The following ALG14 variants were observed in gnomAD, a reference collection of about 807,000 sequenced individuals.
The protein encoded by ALG14 is ALG14 UDP-N-acetylglucosaminyltransferase subunit.
ALG14 carries 17 observed loss-of-function variants against 22.8 expected under a neutral mutation model. The observed-to-expected ratio is 0.75, with a 90% CI of 0.51 to 1.12. ALG14 has a LOEUF of 1.12. ALG14 is among the 50% of genes most tolerant of loss of function. The pLI is 0.00. For missense variants in ALG14, 288 were observed against 271.8 expected, an observed-to-expected ratio of 1.06 and a Z score of -0.42; for synonymous variants, 89 against 103.7, an observed-to-expected ratio of 0.86 and a Z score of 0.86.
chr1:95,015,371 G>A (rs554362471), intron 3 of ALG14, among the ~76,000 whole-genome samples: 21 of 152,228 alleles, frequency 1.4e-4, no homozygotes, highest in Admixed American at 2.0e-4. Flanking sequence ...CAGAAAGCTT[G>A]GTTTTTGACT....
rs1159562517 is a variant in ALG14 at position 94,982,124 on chromosome 1, T to G, written c.*952A>C. The G allele has an allele frequency of 1.3e-5, 2 of 150,450 alleles. No homozygotes were observed. Among genetic ancestry groups the G allele is most frequent in the Non-Finnish European group, 3.0e-5 (2 of 67,550 alleles). The allele number at this position is 150,450 out of a possible 1,614,324, so 9.3% of individuals were successfully genotyped here. On this transcript the variant is annotated 3_prime_UTR_variant, in exon 4 of 4. Transcript: ENST00000370205. ...GTCCCTACATCATTGAGTTTTGTTT[T>G]TTTTTTTTTTTTTTGAGACGAAGTT... is the stretch of plus-strand genomic sequence containing the variant.
intron 2 of ALG14, chr1:95,062,315 G>A (rs1675191781): frequency 6.6e-6 from 1 of 152,134 alleles, no homozygotes; most frequent in Non-Finnish European, 1.5e-5. Context: ...TTAAGTTCCA[G>A]GGTATGTGTG....
intron 2 of ALG14, among the ~76,000 whole-genome samples, chr1:95,034,939 T>C (rs535841633): frequency 2.2e-4 from 33 of 152,178 alleles, no homozygotes; most frequent in Non-Finnish European, 4.6e-4. Context: ...TTTTGCACTG[T>C]AGGCTTGGGT....
chr1:95,039,720 G>C (rs1674321391), intron 2 of ALG14, among the ~76,000 whole-genome samples: 1 of 152,108 alleles, frequency 6.6e-6, no homozygotes, highest in Non-Finnish European at 1.5e-5. Flanking sequence ...TGAAGCAATG[G>C]GTAGACCTAG....
chr1:95,045,613 T>C (rs1260626583), intron 2 of ALG14, among the ~76,000 whole-genome samples: 9 of 151,814 alleles, frequency 5.9e-5, no homozygotes, highest in Admixed American at 3.3e-4. Context: ...AGTATTAGCA[T>C]ACTGTATTAG....
chr1:95,062,632 T>C (rs1174697607), intron 2 of ALG14, among the ~76,000 whole-genome samples: 1 of 152,230 alleles, frequency 6.6e-6, no homozygotes, highest in Non-Finnish European at 1.5e-5. Flanking sequence ...CATGATCTTG[T>C]TCCTTTTTAT....
chr1:95,059,860 C>T (rs528169083), intron 2 of ALG14, among the ~76,000 whole-genome samples: 1 of 151,878 alleles, frequency 6.6e-6, no homozygotes, highest in Non-Finnish European at 1.5e-5. Context: ...GGCTACTATA[C>T]TGGACAGTGC....
chr1:95,045,288 G>A (rs1477114342), intron 2 of ALG14, among the ~76,000 whole-genome samples: 1 of 151,928 alleles, frequency 6.6e-6, no homozygotes, highest in Non-Finnish European at 1.5e-5. Flanking sequence ...TTCGACTTAG[G>A]TGGAGGGCCA....
chr1:95,020,056 A>G (rs1436234481), intron 3 of ALG14, among the ~76,000 whole-genome samples: 3 of 151,870 alleles, frequency 2.0e-5, no homozygotes, highest in Non-Finnish European at 4.4e-5. Flanking sequence ...CATCTCTACT[A>G]AAAATACAAA....
chr1:94,997,262 C>G (rs1417095738), intron 3 of ALG14, among the ~76,000 whole-genome samples: 1 of 152,106 alleles, frequency 6.6e-6, no homozygotes, highest in Non-Finnish European at 1.5e-5. Context: ...ATTGGTGGGG[C>G]TCAGTCTGTC....
At chr1:95,000,123 A>C (rs1343660779) in intron 3 of ALG14, among the ~76,000 whole-genome samples, 8 of 152,228 alleles carry the variant, frequency 5.3e-5, no homozygotes, top group African/African-American at 1.7e-4. Context: ...CTCACTGCCT[A>C]TACTGTTATT....
chr1:95,065,117 G>A, intron 1 of ALG14, 100 bp from the exon 2 acceptor site: 4 of 1,020,366 alleles, frequency 3.9e-6, no homozygotes, highest in South Asian at 2.4e-5. Flanking sequence ...TGGGGGTGGG[G>A]GGGCACTGTA....
At chr1:94,999,211 GGCAATTTAAGGCAAAAGAAAAAT>G (rs928861320) in intron 3 of ALG14, among the ~76,000 whole-genome samples, 1 of 149,776 alleles carries the variant, frequency 6.7e-6, no homozygotes, top group African/African-American at 2.5e-5. Flanking sequence ...CCTCCATTCA[GGCAATTTAAGGCAAAAGAAAAAT>G]GCAATTTAAA....
chr1:95,058,616 TAA>T (rs61435505), intron 2 of ALG14, among the ~76,000 whole-genome samples: 35 of 99,288 alleles, frequency 3.5e-4, no homozygotes, highest in South Asian at 6.4e-4. Flanking sequence ...GATTCATTCT[TAA>T]AAAAAAAAAA....
At chr1:95,047,095 A>T (rs999347899) in intron 2 of ALG14, among the ~76,000 whole-genome samples, 3 of 152,216 alleles carry the variant, frequency 2.0e-5, no homozygotes, top group Admixed American at 1.3e-4. Context: ...AATTTTTTTT[A>T]AAAGTTGCAG....
intron 3 of ALG14, among the ~76,000 whole-genome samples, chr1:94,989,349 T>G (rs1254488304): frequency 6.6e-6 from 1 of 152,102 alleles, no homozygotes; most frequent in East Asian, 1.9e-4. Flanking sequence ...CATGTGGTCT[T>G]TTTTTTTCTT....
At chr1:95,059,395 CT>C (rs1675053721) in intron 2 of ALG14, among the ~76,000 whole-genome samples, 1 of 85,910 alleles carries the variant, frequency 1.2e-5, no homozygotes, top group Non-Finnish European at 2.1e-5. Context: ...GAGACTCTGT[CT>C]CAAAAAAAAA....
intron 3 of ALG14, among the ~76,000 whole-genome samples, chr1:95,011,780 G>T (rs1218520137): frequency 3.3e-5 from 5 of 152,150 alleles, no homozygotes; most frequent in African/African-American, 1.2e-4. Context: ...AGCCTGCAGA[G>T]ACTTCCATAT....
chr1:94,980,059 GAAAAA>G lies in ALG14; in HGVS notation c.*3012_*3016del, dbSNP rs35557702. On this transcript the variant is annotated 3_prime_UTR_variant, in exon 4 of 4. Coordinates refer to ENST00000370205, the MANE Select transcript of ALG14 (RefSeq NM_144988.4). The stretch of plus-strand genomic sequence containing the variant: ...GCCTTTTGGGGGATGGGGCTTTTCA[GAAAAA>G]AAAAAAAGCACTCATTCAACCCAAG... 1.5e-4 allele frequency: 22 copies of G among 147,668 alleles called. No individual in the cohort carries two copies. The highest frequency in any genetic ancestry group is 5.2e-4 in the African/African-American group (21 of 40,446). 9.1% of individuals were successfully genotyped at this position (147,668 alleles called of 1,614,324 possible). A position where few individuals can be genotyped will look rare whatever the true frequency, so the allele number is the denominator to read the frequency against.
Sources: allele counts gnomAD v4.1 joint callset (sites outside exome capture counted in the v4.1 genomes callset), GRCh38; gene constraint gnomAD v4.1.1; transcripts MANE v1.5; gene names NCBI Gene and HGNC (gene_info 2026-07-23, HGNC 2026-07-21).